MTMR2: variants seen among roughly 807,000 people sequenced by gnomAD.
MTMR2 encodes phosphatidylinositol-3,5-bisphosphate 3-phosphatase MTMR2.
A neutral mutation model predicts 86.9 loss-of-function variants in MTMR2; 55 were observed. That is an observed-to-expected ratio of 0.63 (90% CI 0.51 to 0.79). The LOEUF (loss-of-function observed/expected upper bound fraction) is 0.79, where lower values mean the gene tolerates loss of function less well. MTMR2 is among the 30% of genes least tolerant of loss of function. MTMR2 has a pLI of 0.00. For synonymous variants in MTMR2, 241 were observed against 266.8 expected, an observed-to-expected ratio of 0.90 and a Z score of 0.94; for missense variants, 659 against 772.3, an observed-to-expected ratio of 0.85 and a Z score of 1.74.
At chr11:95,843,747 ATTTT>A (rs987658977) in intron 11 of MTMR2, among the ~76,000 whole-genome samples, 52 of 151,066 alleles carry the variant, frequency 3.4e-4, no homozygotes, top group African/African-American at 1.3e-3. Context: ...TTTGGAAAAT[ATTTT>A]TTTTAGTTTA....
In MTMR2 at chr11:95,888,153, T is replaced by C. The variant is rs1222460997; in HGVS notation, c.186+3A>G. ...CATCAGAACTTTAAAATAGTATACA[T>C]ACCCTCAAATCAGGAGAAAAGTTGT... On this transcript the variant is annotated splice_donor_region_variant and intron_variant, in intron 2 of 14. Coordinates refer to ENST00000346299, the MANE Select transcript of MTMR2 (RefSeq NM_016156.6). The C allele has an allele frequency of 6.3e-7, 1 of 1,578,186 alleles. No homozygotes were observed. The highest frequency in any genetic ancestry group is 1.3e-5 in the African/African-American group (1 of 74,422).
At chr11:95,860,259 T>C (rs751260699) in intron 5 of MTMR2, among the ~76,000 whole-genome samples, 14 of 152,150 alleles carry the variant, frequency 9.2e-5, no homozygotes, top group Non-Finnish European at 1.8e-4. Context: ...CTCAACACTT[T>C]GGGAGGCCAA....
At chr11:95,899,704 G>A (rs1249843220) in intron 1 of MTMR2, among the ~76,000 whole-genome samples, 2 of 151,824 alleles carry the variant, frequency 1.3e-5, no homozygotes, top group Non-Finnish European at 2.9e-5. Context: ...GCTGAGGCAA[G>A]CTTGAAAGAT....
At chr11:95,918,314 C>A (rs761747483) in intron 1 of MTMR2, among the ~76,000 whole-genome samples, 25 of 152,060 alleles carry the variant, frequency 1.6e-4, no homozygotes, top group Admixed American at 2.6e-4. Flanking sequence ...AAGGTAGGGC[C>A]CAAGAATTTG....
chr11:95,902,810 T>C (rs1306427487), intron 1 of MTMR2, among the ~76,000 whole-genome samples: 1 of 152,178 alleles, frequency 6.6e-6, no homozygotes, highest in East Asian at 1.9e-4. Context: ...GCCTGAAAAC[T>C]GGGCCTTGTC....
intron 1 of MTMR2, among the ~76,000 whole-genome samples, chr11:95,892,761 C>T (rs563381266): frequency 3.3e-5 from 5 of 152,296 alleles, no homozygotes; most frequent in African/African-American, 1.2e-4. Context: ...CTTTCTTCAA[C>T]TACTAATTCT....
chr11:95,904,992 GC>G (rs1486106265), intron 1 of MTMR2, among the ~76,000 whole-genome samples: 1 of 152,074 alleles, frequency 6.6e-6, no homozygotes, highest in Non-Finnish European at 1.5e-5. Context: ...TCTCCACTTT[GC>G]TAAACCTGTT....
At chr11:95,867,568 T>C (rs1036334642) in intron 2 of MTMR2, among the ~76,000 whole-genome samples, 5 of 152,120 alleles carry the variant, frequency 3.3e-5, no homozygotes, top group Non-Finnish European at 5.9e-5. Context: ...AAAGAAGCAA[T>C]ACAAGATCCT....
chr11:95,918,594 A>C (rs1253087774), intron 1 of MTMR2, among the ~76,000 whole-genome samples: 3 of 152,232 alleles, frequency 2.0e-5, no homozygotes, highest in African/African-American at 7.2e-5. Flanking sequence ...ATGAAATCCA[A>C]ATAAGTAATT....
At chr11:95,923,628 G>A in intron 1 of MTMR2, 2 of 1,356,828 alleles carry the variant, frequency 1.5e-6, no homozygotes, top group South Asian at 3.4e-5. Flanking sequence ...CACCTCCATC[G>A]GGGAGAAAAC....
chr11:95,835,149 T>A lies in MTMR2; in HGVS notation c.*141A>T. On this transcript the variant is annotated 3_prime_UTR_variant, in exon 15 of 15. Transcript: ENST00000346299. ...CACCTGCACTGCTACAGTTCTAAAC[T>A]CATCCTAGAGAGATTTAAAATAAAT... 2.2e-6 allele frequency: 2 copies of A among 894,162 alleles called. No individual in the cohort carries two copies. The highest frequency in any genetic ancestry group is 2.9e-5 in the South Asian group (2 of 68,598). The allele number at this position is 894,162 out of a possible 1,614,324, so 55.4% of individuals were successfully genotyped here.
At position 95,865,910 on chromosome 11, in the gene MTMR2, C is replaced by CA. The variant is rs61523739; in HGVS notation, c.187-235dup. Among the ~76,000 whole-genome samples the CA allele has an allele frequency of 0.11, 17,027 of 152,078 alleles. 3,182 individuals carry two copies. The highest frequency in any genetic ancestry group is 0.39 in the African/African-American group (15,972 of 41,440). On this transcript the variant is annotated intron_variant, in intron 2 of 14. Transcript: ENST00000346299. ...ATCAAAGCACTCTACATTTGTTACA[C>CA]AAAAAATTGTACATGTTTTTGCACT...
chr11:95,868,903 T>A (rs191833251), intron 2 of MTMR2, among the ~76,000 whole-genome samples: 1 of 151,486 alleles, frequency 6.6e-6, no homozygotes, highest in African/African-American at 2.4e-5. Context: ...AGGAAGTCAT[T>A]CTCAGATAGC....
chr11:95,889,148 T>TC (rs34335271), intron 1 of MTMR2, among the ~76,000 whole-genome samples: 4 of 151,478 alleles, frequency 2.6e-5, no homozygotes, highest in Non-Finnish European at 4.4e-5. Context: ...TTTTTTTTTT[T>TC]CTGAGACAGA....
chr11:95,849,923 A>G, intron 8 of MTMR2, 61 bp from the exon 9 acceptor site: 1 of 1,453,646 alleles, frequency 6.9e-7, no homozygotes, highest in Non-Finnish European at 9.6e-7. Context: ...AATTCTCAAA[A>G]ACAGTACTCA....
chr11:95,923,616 A>G, intron 1 of MTMR2: 2 of 1,317,984 alleles, frequency 1.5e-6, no homozygotes, highest in South Asian at 3.4e-5. Context: ...ATTAACTGGG[A>G]CCACCTCCAT....
intron 7 of MTMR2, among the ~76,000 whole-genome samples, chr11:95,854,155 T>C (rs1364607299): frequency 6.6e-6 from 1 of 152,134 alleles, no homozygotes; most frequent in African/African-American, 2.4e-5. Context: ...AAAAACTGCC[T>C]TTCAAGCAGA....
chr11:95,835,658 T>C (rs1181218905), intron 14 of MTMR2, among the ~76,000 whole-genome samples: 1 of 152,036 alleles, frequency 6.6e-6, no homozygotes, highest in Non-Finnish European at 1.5e-5. Flanking sequence ...TTCCAAAGAA[T>C]AACCTGCTGT....
intron 2 of MTMR2, among the ~76,000 whole-genome samples, chr11:95,882,090 A>G (rs1865346291): frequency 6.6e-6 from 1 of 152,228 alleles, no homozygotes. Context: ...AATAATCATT[A>G]TGTGATAGAC....
Sources: allele counts gnomAD v4.1 joint callset (sites outside exome capture counted in the v4.1 genomes callset), GRCh38; gene constraint gnomAD v4.1.1; transcripts MANE v1.5; gene names NCBI Gene and HGNC (gene_info 2026-07-23, HGNC 2026-07-21).